Variants in SPEG observed in about 807,000 individuals in gnomAD.
The protein encoded by SPEG is striated muscle enriched protein kinase.
In SPEG, 114 loss-of-function variants were observed where a neutral mutation model predicts 300.4. The ratio of observed to expected loss-of-function variants is 0.38; its 90% CI spans 0.33 to 0.44. The LOEUF (loss-of-function observed/expected upper bound fraction) is 0.44, where lower values mean the gene tolerates loss of function less well. Ranked by LOEUF, SPEG falls within the 20% of genes least tolerant of loss-of-function variation. SPEG has a pLI of 1.00. For synonymous variants in SPEG, 1,964 were observed against 2,018.9 expected (o/e 0.97, Z 0.73); for missense variants, 4,201 against 4,586.2 (o/e 0.92, Z 2.43).
At position 219,488,586 on chromosome 2, in the gene SPEG, G is replaced by A; in HGVS notation, c.7947G>A (p.Lys2649=). The A allele has an allele frequency of 4.3e-6, 7 of 1,612,430 alleles. No homozygotes were observed. The highest frequency in any genetic ancestry group is 5.9e-6 in the Non-Finnish European group (7 of 1,179,492). Residue 2649 remains lysine (K), a synonymous_variant, in exon 33 of 41, where the codon AAG becomes AAA. Coordinates refer to ENST00000312358, the MANE Select transcript of SPEG (RefSeq NM_005876.5). The part of the protein sequence containing the change: ...RQLLSIPRAG[K]RHAGLYECSA... ...TGCTCAGCATCCCCCGGGCGGGCAAGCGGCACGCCGGTCTCTATGAGTGCT... is the reference window on the plus strand; with the variant it reads ...TGCTCAGCATCCCCCGGGCGGGCAAACGGCACGCCGGTCTCTATGAGTGCT...
In SPEG at chr2:219,443,275, C is replaced by T. The variant is rs755743421; in HGVS notation, c.389-1378C>T. On this transcript the variant is annotated intron_variant, in intron 1 of 40. Transcript: ENST00000312358. This position sits in a 1 kb window ranked among gnomAD's most constrained non-coding sequence, Gnocchi z 4.6. Reference sequence around the variant, plus strand: ...GATGTGGAACCCTCCCACTCACCCCCACACTTATCTACCACCCACCCGACC... The same window carrying T: ...GATGTGGAACCCTCCCACTCACCCCTACACTTATCTACCACCCACCCGACC... 5 of 985,004 alleles carry T rather than the reference C, an allele frequency of 5.1e-6. No individual in the cohort carries two copies. The highest frequency in any genetic ancestry group is 1.7e-5 in the Admixed American group (1 of 58,954). The allele number at this position is 985,004 out of a possible 1,614,324, so 61.0% of individuals were successfully genotyped here. A position where few individuals can be genotyped will look rare whatever the true frequency, so the allele number is the denominator to read the frequency against.
Position 219,490,584 on chromosome 2 carries a change from C to T in SPEG, c.9097C>T (p.Arg3033Trp), listed in dbSNP as rs747103054. 57 of 1,613,850 alleles carry T rather than the reference C, an allele frequency of 3.5e-5. No individual in the cohort carries two copies. The highest frequency in any genetic ancestry group is 4.4e-5 in the South Asian group (4 of 91,084). Reference sequence around the variant, plus strand: ...CCTGCACGAGGCCTACATCACCCCTCGGTACCTCGTGCTCATTGCTGAGAG... The same window carrying T: ...CCTGCACGAGGCCTACATCACCCCTTGGTACCTCGTGCTCATTGCTGAGAG... ...MSLHEAYITP[R>W]YLVLIAESCG... is the part of the protein sequence containing the mutation. Residue 3033 changes from arginine to tryptophan, a missense_variant, in exon 37 of 41, where the codon CGG becomes TGG. Arg to Trp is a moderately radical substitution (Grantham distance 101). Around this residue, in one of 4 missense-constraint regions of SPEG, gnomAD observed 318 missense variants for 429.5 expected, o/e 0.74. Coordinates refer to ENST00000312358, the MANE Select transcript of SPEG (RefSeq NM_005876.5).
At position 219,469,384 on chromosome 2, in the gene SPEG, G is replaced by C. The variant is rs546493599; in HGVS notation, c.3715+5G>C. 6.2e-7 allele frequency: 1 copy of C among 1,610,312 alleles called. No homozygotes were observed. Among genetic ancestry groups the C allele is most frequent in the Middle Eastern group, 1.7e-4 (1 of 6,046 alleles). The stretch of plus-strand genomic sequence containing the variant: ...ACGACCGGCGCATGACACAGTGTAC[G>C]TGTCTGGGAAGTTCCCCGGGAGTGT... On this transcript the variant is annotated splice_donor_5th_base_variant and intron_variant, in intron 13 of 40. Transcript: ENST00000312358.
At chr2:219,465,594 A>AAGTGTC (rs1361170818) in intron 9 of SPEG, 4 of 202,072 alleles carry the variant, frequency 2.0e-5, no homozygotes, top group Non-Finnish European at 4.0e-5. Context: ...CGACACCCCC[A>AAGTGTC]GGCTTTGGGG....
rs1575176690 is a variant in SPEG at position 219,484,889 on chromosome 2, G to A, written c.7426G>A (p.Asp2476Asn). The change falls in exon 30 of 41, where the codon GAC becomes AAC. Residue 2476 changes from aspartate (D) to asparagine (N), a missense_variant. Asp to Asn is a conservative substitution (Grantham distance 23). This residue lies in a region of SPEG where 1,578 missense variants were observed against 1,506.0 expected (regional missense o/e 1.05). Transcript: ENST00000312358. ...ATTGCAGCGCAGTGGCAGCAGCGAGGACTCGGGGGGCGCGTCGGGCCGCAG... is the reference window on the plus strand; with the variant it reads ...ATTGCAGCGCAGTGGCAGCAGCGAGAACTCGGGGGGCGCGTCGGGCCGCAG... The part of the protein sequence containing the change: ...SRLQRSGSSE[D>N]SGGASGRSTP... The A allele has an allele frequency of 6.6e-7, 1 of 1,525,546 alleles. No homozygotes were observed. The highest frequency in any genetic ancestry group is 2.5e-5 in the East Asian group (1 of 39,598). The allele number at this position is 1,525,546 out of a possible 1,614,324, so 94.5% of individuals were successfully genotyped here.
rs772577428 is a variant in SPEG at position 219,477,866 on chromosome 2, G to T, written c.4827-39G>T. On this transcript the variant is annotated intron_variant, in intron 21 of 40. Coordinates refer to ENST00000312358, the MANE Select transcript of SPEG (RefSeq NM_005876.5). This position sits in a 1 kb window ranked among gnomAD's most constrained non-coding sequence, Gnocchi z 6.4. ...GTTGGGAGGGGTGGAGAGGGCCACA[G>T]TGATGGCTGATCTCTGACCCCCTCC... The T allele has an allele frequency of 3.1e-6, 5 of 1,607,696 alleles. No individual in the cohort carries two copies. In the Admixed American group the frequency reaches 6.7e-5, roughly 21 times the overall value.
chr2:219,454,265 G>A (rs78467313), intron 6 of SPEG, among the ~76,000 whole-genome samples: 3 of 152,206 alleles, frequency 2.0e-5, no homozygotes, highest in African/African-American at 7.2e-5. Context: ...GGCAGGGTCT[G>A]TGCGGAAAGG....
intron 29 of SPEG, 58 bp from the exon 30 acceptor site, chr2:219,483,029 AGGTGGGCCTGG>A: frequency 6.6e-7 from 1 of 1,506,688 alleles, no homozygotes. Context: ...CCCAGGGCTG[AGGTGGGCCTGG>A]GGGGGACAAT....
In SPEG at chr2:219,439,784, G is replaced by A. The variant is rs917193949; in HGVS notation, c.388+4419G>A. On this transcript the variant is annotated intron_variant, in intron 1 of 40. Transcript: ENST00000312358. This position sits in a 1 kb window ranked among gnomAD's most constrained non-coding sequence, Gnocchi z 4.5. The stretch of plus-strand genomic sequence containing the variant: ...CCCAGCTGTCCCGTCACTCACGCCC[G>A]CTGCCCATTGGTTATTTTTGCTACG... Among the ~76,000 whole-genome samples the A allele has an allele frequency of 6.6e-6, 1 of 152,122 alleles. No individual in the cohort carries two copies. The highest frequency in any genetic ancestry group is 1.5e-5 in the Non-Finnish European group (1 of 68,028).
chr2:219,449,302 C>T (rs1689558786), intron 4 of SPEG, 31 bp downstream of exon 4: 1 of 1,352,670 alleles, frequency 7.4e-7, no homozygotes, highest in African/African-American at 1.5e-5. Context: ...GACAAGGTGC[C>T]TGAACCCCCG....
At chr2:219,492,451 T>G (rs1340897440) in intron 40 of SPEG, 143 bp from the exon 41 acceptor site, 1 of 1,096,752 alleles carries the variant, frequency 9.1e-7, no homozygotes, top group East Asian at 2.4e-5. Context: ...TTCCGGAGAC[T>G]GGGGAACTGA....
Position 219,485,353 on chromosome 2 carries a change from G to C in SPEG, c.7617G>C (p.Gly2539=). 1 of 1,606,264 alleles carries C rather than the reference G, an allele frequency of 6.2e-7. No homozygotes were observed. Among genetic ancestry groups the C allele is most frequent in the Non-Finnish European group, 8.5e-7 (1 of 1,176,550 alleles). ...ASATSGSSAP[G]ESRSRLRWGF... ...GGGCCTGAGTCTTCACAGCCCCAGGGGAAAGCCGAAGCCGGCTCCGCTGGG... is the reference window on the plus strand; with the variant it reads ...GGGCCTGAGTCTTCACAGCCCCAGGCGAAAGCCGAAGCCGGCTCCGCTGGG... The change falls in exon 31 of 41, where the codon GGG becomes GGC. Residue 2539 remains glycine (G), a synonymous_variant. Transcript: ENST00000312358.
chr2:219,483,504 G>A lies in SPEG; in HGVS notation c.6041G>A (p.Ser2014Asn). 2.1e-6 allele frequency: 3 copies of A among 1,422,410 alleles called. No homozygotes were observed. The highest frequency in any genetic ancestry group is 2.7e-6 in the Non-Finnish European group (3 of 1,099,316). 88.1% of individuals were successfully genotyped at this position (1,422,410 alleles called of 1,614,324 possible). A position where few individuals can be genotyped will look rare whatever the true frequency, so the allele number is the denominator to read the frequency against. ...SPRRGELRRG[S>N]SAESALPRAG... ...AGGCGGGGAGAGCTCCGCAGGGGCA[G>A]CTCGGCTGAGAGCGCCCTGCCCCGG... The change falls in exon 30 of 41, where the codon AGC becomes AAC. Residue 2014 changes from serine (S) to asparagine (N), a missense_variant. Physicochemically the swap from Ser to Asn is conservative, Grantham distance 46. Around this residue, in one of 4 missense-constraint regions of SPEG, gnomAD observed 1,578 missense variants for 1,506.0 expected, o/e 1.05. Coordinates refer to ENST00000312358, the MANE Select transcript of SPEG (RefSeq NM_005876.5).
At chr2:219,457,829 T>A (rs1690309731) in intron 6 of SPEG, among the ~76,000 whole-genome samples, 1 of 152,230 alleles carries the variant, frequency 6.6e-6, no homozygotes, top group Non-Finnish European at 1.5e-5. Context: ...CACATGGCTT[T>A]TGCTTCAAAC....
rs1386412808 is a variant in SPEG at position 219,481,264 on chromosome 2, C to A, written c.5370-40C>A. ...TGCCCCCACTGACATTCCCCTTTGT[C>A]CCCGCCTGCCCCTCATGACAGCCCT... is the stretch of plus-strand genomic sequence containing the variant. On this transcript the variant is annotated intron_variant, in intron 26 of 40. Transcript: ENST00000312358. The surrounding 1 kb of genome is among the most constrained non-coding windows in gnomAD (Gnocchi z 5.4). 3.1e-6 allele frequency: 5 copies of A among 1,602,364 alleles called. No homozygotes were observed. In the African/African-American group the frequency reaches 6.7e-5, roughly 21 times the overall value.
chr2:219,483,756 G>A lies in SPEG; in HGVS notation c.6293G>A (p.Arg2098His), dbSNP rs200010011. The A allele has an allele frequency of 8.4e-6, 13 of 1,544,208 alleles. No homozygotes were observed. Among genetic ancestry groups the A allele is most frequent in the Non-Finnish European group, 9.5e-6 (11 of 1,151,958 alleles). ...RGPLLESLGG[R>H]ARDPRMARAA... ...CCCCTGCTGGAGAGCCTGGGGGGCC[G>A]TGCTCGGGACCCCCGGATGGCACGA... is the stretch of plus-strand genomic sequence containing the variant. Residue 2098 changes from arginine to histidine, a missense_variant, in exon 30 of 41, where the codon CGT becomes CAT. This residue lies in a region of SPEG where 1,578 missense variants were observed against 1,506.0 expected (regional missense o/e 1.05). Transcript: ENST00000312358.
chr2:219,461,647 C>T (rs570742437), intron 6 of SPEG: 2 of 848,412 alleles, frequency 2.4e-6, no homozygotes, highest in East Asian at 3.1e-5. Flanking sequence ...CTATGGTGTC[C>T]CCTCCTGGGA....
chr2:219,463,109 G>C (rs113696086), intron 8 of SPEG, among the ~76,000 whole-genome samples: 3 of 151,504 alleles, frequency 2.0e-5, no homozygotes, highest in Admixed American at 6.6e-5. Context: ...ACTTATGAGG[G>C]TGAGGAGGAG....
In SPEG at chr2:219,462,357, G is replaced by A. The variant is rs567027031; in HGVS notation, c.2676G>A (p.Val892=). 1.9e-6 allele frequency: 3 copies of A among 1,564,888 alleles called. No individual in the cohort carries two copies. Among genetic ancestry groups the A allele is most frequent in the East Asian group, 2.4e-5 (1 of 41,896 alleles). Residue 892 remains valine (V), a synonymous_variant, in exon 8 of 41, where the codon GTG becomes GTA. Coordinates refer to ENST00000312358, the MANE Select transcript of SPEG (RefSeq NM_005876.5). The stretch of plus-strand genomic sequence containing the variant: ...AAGATGTCATCATGAGCATCCGCGT[G>A]CAGGGGGAGCCCAAGCCTGTGGTCT... ...EGQDVIMSIR[V]QGEPKPVVSW... is the part of the protein sequence containing the mutation.
Sources: gnomAD v4.1 joint callset for allele counts (sites outside exome capture counted in the v4.1 genomes callset) on GRCh38, gnomAD v4.1.1 for gene constraint, gnomAD v4.1.1 regional missense constraint, Gnocchi (gnomAD v3.1) non-coding constraint, MANE v1.5 for transcripts, NCBI Gene and HGNC (gene_info 2026-07-23, HGNC 2026-07-21) for gene names.